TEC: variants seen among roughly 807,000 people sequenced by gnomAD.
The protein encoded by TEC is tyrosine-protein kinase Tec.
Under a neutral mutation model 93.0 loss-of-function variants are expected in TEC, and 72 were observed. The observed-to-expected ratio is 0.77, with a 90% CI of 0.64 to 0.94. The LOEUF (loss-of-function observed/expected upper bound fraction) is 0.94, where lower values mean the gene tolerates loss of function less well. TEC is among the 40% of genes least tolerant of loss of function. TEC has a pLI of 0.00. For synonymous variants in TEC, 249 were observed against 247.7 expected, an observed-to-expected ratio of 1.01 and a Z score of -0.05; for missense variants, 630 against 757.9, an observed-to-expected ratio of 0.83 and a Z score of 1.98.
chr4:48,150,431 C>T (rs1300159667), intron 10 of TEC, among the ~76,000 whole-genome samples: 2 of 152,144 alleles, frequency 1.3e-5, no homozygotes, highest in African/African-American at 2.4e-5. Flanking sequence ...TCAAGATGTG[C>T]CTGGGCTGTG....
At chr4:48,149,089 G>T (rs1720049780) in intron 11 of TEC, among the ~76,000 whole-genome samples, 1 of 152,118 alleles carries the variant, frequency 6.6e-6, no homozygotes, top group Non-Finnish European at 1.5e-5. Context: ...GGACATTTAG[G>T]TTAATTCCAT....
intron 2 of TEC, among the ~76,000 whole-genome samples, chr4:48,199,553 G>A (rs71614021): frequency 4.1e-5 from 5 of 122,008 alleles, no homozygotes; most frequent in East Asian, 5.5e-4. Context: ...TACAACCTCC[G>A]CCTCCCAGAT....
At chr4:48,214,583 G>A (rs2704420) in intron 2 of TEC, among the ~76,000 whole-genome samples, 6,836 of 152,254 alleles carry the variant, frequency 0.045, 531 homozygotes, top group African/African-American at 0.16. Flanking sequence ...TGGGTGTGGT[G>A]GCTGACACCT....
At chr4:48,201,338 A>G (rs950942537) in intron 2 of TEC, among the ~76,000 whole-genome samples, 5 of 152,292 alleles carry the variant, frequency 3.3e-5, no homozygotes, top group Non-Finnish European at 2.9e-5. Context: ...CTCAGAATAG[A>G]TATCAGGCTG....
intron 1 of TEC, among the ~76,000 whole-genome samples, chr4:48,254,475 G>A (rs1724288929): frequency 6.6e-6 from 1 of 152,130 alleles, no homozygotes; most frequent in Non-Finnish European, 1.5e-5. Context: ...GCTCTCAAAG[G>A]GCCACTGGAA....
In TEC at chr4:48,137,352, A is replaced by G; in HGVS notation, c.*64T>C. 7.5e-7 allele frequency: 1 copy of G among 1,342,270 alleles called. No individual in the cohort carries two copies. The highest frequency in any genetic ancestry group is 1.1e-6 in the Non-Finnish European group (1 of 944,202). 83.1% of individuals were successfully genotyped at this position (1,342,270 alleles called of 1,614,324 possible). On this transcript the variant is annotated 3_prime_UTR_variant, in exon 18 of 18. Transcript: ENST00000381501. ...ACATGTCCAAGTGCTCAATAAATTA[A>G]AAGCCACAAAATGCCCATCCTTCCT...
At position 48,183,292 on chromosome 4, in the gene TEC, T is replaced by A. The variant is rs150431523; in HGVS notation, c.139-7106A>T. Among the ~76,000 whole-genome samples the A allele has an allele frequency of 9.8e-5, 15 of 152,346 alleles. No homozygotes were observed. The East Asian group carries it at 2.9e-3, about 29-fold the overall frequency. On this transcript the variant is annotated intron_variant, in intron 2 of 17. Coordinates refer to ENST00000381501, the MANE Select transcript of TEC (RefSeq NM_003215.3). Reference sequence around the variant, plus strand: ...CAGGATTAAAGATAATGTTCATAGGTGCTTAACAGTGTCTGACACATGGAA... The same window carrying A: ...CAGGATTAAAGATAATGTTCATAGGAGCTTAACAGTGTCTGACACATGGAA...
chr4:48,201,800 G>A lies in TEC; in HGVS notation c.139-25614C>T, dbSNP rs535929155. 4.6e-5 allele frequency among the ~76,000 whole-genome samples: 7 copies of A among 152,254 alleles called. No individual in the cohort carries two copies. The South Asian group carries it at 1.5e-3, about 32-fold the overall frequency. On this transcript the variant is annotated intron_variant, in intron 2 of 17. Transcript: ENST00000381501. ...TGGAGAGACAAGCTGGGGAAAGACTGTGGAGGGATCTCCATGCCAGAGGAG... is the reference window on the plus strand; with the variant it reads ...TGGAGAGACAAGCTGGGGAAAGACTATGGAGGGATCTCCATGCCAGAGGAG...
intron 1 of TEC, among the ~76,000 whole-genome samples, chr4:48,262,278 C>T (rs757667378): frequency 7.1e-6 from 1 of 141,216 alleles, no homozygotes; most frequent in Non-Finnish European, 1.5e-5. Flanking sequence ...CTAACTGCAA[C>T]CTCTGCTACC....
intron 1 of TEC, among the ~76,000 whole-genome samples, chr4:48,235,423 T>C (rs1238931136): frequency 1.3e-5 from 2 of 152,192 alleles, no homozygotes; most frequent in Non-Finnish European, 2.9e-5. Flanking sequence ...CAGAATATCA[T>C]TGGAGAATAG....
At chr4:48,164,285 T>A (rs533950240) in intron 7 of TEC, among the ~76,000 whole-genome samples, 1 of 152,310 alleles carries the variant, frequency 6.6e-6, no homozygotes, top group East Asian at 1.9e-4. Context: ...GGCCTTTCGG[T>A]CAGTATCATT....
rs756926914 is a variant in TEC at position 48,137,438 on chromosome 4, C to T, written c.1874G>A (p.Cys625Tyr). ...LLRTIDELVE[C>Y]EETFGR ...CACTTATCTTCCAAAAGTTTCTTCACATTCAACTAGTTCATCTATTGTGCG... is the reference window on the plus strand; with the variant it reads ...CACTTATCTTCCAAAAGTTTCTTCATATTCAACTAGTTCATCTATTGTGCG... The change falls in exon 18 of 18, where the codon TGT (cysteine) becomes TAT (tyrosine). Residue 625 changes from cysteine (C) to tyrosine (Y), a missense_variant. Around this residue, in one of 3 missense-constraint regions of TEC, gnomAD observed 289 missense variants for 390.0 expected, o/e 0.74. Coordinates refer to ENST00000381501, the MANE Select transcript of TEC (RefSeq NM_003215.3). 4 of 1,614,154 alleles carry T rather than the reference C, an allele frequency of 2.5e-6. No homozygotes were observed. The highest frequency in any genetic ancestry group is 1.3e-5 in the African/African-American group (1 of 75,058).
At chr4:48,153,032 C>T (rs917837185) in intron 9 of TEC, among the ~76,000 whole-genome samples, 2 of 152,168 alleles carry the variant, frequency 1.3e-5, no homozygotes, top group South Asian at 4.1e-4. Context: ...CAGGTAGACC[C>T]AGGTCCCCTT....
chr4:48,153,718 G>T (rs1257559390), intron 9 of TEC, among the ~76,000 whole-genome samples: 1 of 152,126 alleles, frequency 6.6e-6, no homozygotes, highest in African/African-American at 2.4e-5. Flanking sequence ...CTGCTTGGAT[G>T]GTCTAACTGC....
At chr4:48,250,722 T>G (rs1182544665) in intron 1 of TEC, among the ~76,000 whole-genome samples, 1 of 152,188 alleles carries the variant, frequency 6.6e-6, no homozygotes, top group Non-Finnish European at 1.5e-5. Context: ...GACAGCCAGC[T>G]GGCCCCTCAA....
intron 17 of TEC, 29 bp from the exon 18 acceptor site, chr4:48,137,528 G>A (rs1194569953): frequency 1.9e-6 from 3 of 1,603,504 alleles, no homozygotes. Flanking sequence ...GAGAAGCTGT[G>A]GGTTCCAGAA....
chr4:48,266,010 A>T (rs1724631121), intron 1 of TEC, among the ~76,000 whole-genome samples: 1 of 152,232 alleles, frequency 6.6e-6, no homozygotes, highest in South Asian at 2.1e-4. Context: ...AGATTACAAG[A>T]AAAAGCTGAG....
intron 2 of TEC, among the ~76,000 whole-genome samples, chr4:48,189,059 T>C (rs1722000693): frequency 6.6e-6 from 1 of 152,226 alleles, no homozygotes. Flanking sequence ...ACTGATACAG[T>C]TTCCTTTTCA....
At position 48,167,980 on chromosome 4, in the gene TEC, G is replaced by A. The variant is rs759528442; in HGVS notation, c.496-27C>T. On this transcript the variant is annotated intron_variant, in intron 6 of 17. Transcript: ENST00000381501. ...TAGACAAGGAAGATAACATTTGAAAGTTTAGTCTTCTATATGAAACTGATC... is the reference window on the plus strand; with the variant it reads ...TAGACAAGGAAGATAACATTTGAAAATTTAGTCTTCTATATGAAACTGATC... The A allele has an allele frequency of 1.1e-5, 18 of 1,608,292 alleles. No individual in the cohort carries two copies. The South Asian group carries it at 2.0e-4, about 18-fold the overall frequency.
Sources: allele counts gnomAD v4.1 joint callset (sites outside exome capture counted in the v4.1 genomes callset), GRCh38; gene constraint gnomAD v4.1.1; regional missense constraint gnomAD v4.1.1; transcripts MANE v1.5; gene names NCBI Gene and HGNC (gene_info 2026-07-23, HGNC 2026-07-21).